The following PXDNL variants were observed in gnomAD, a reference collection of about 807,000 sequenced individuals.
PXDNL encodes the protein peroxidasin like.
PXDNL carries 145 observed loss-of-function variants against 150.8 expected under a neutral mutation model. The observed-to-expected ratio is 0.96, with a 90% confidence interval of 0.84 to 1.10. The LOEUF (loss-of-function observed/expected upper bound fraction) is 1.10, where lower values mean the gene tolerates loss of function less well. PXDNL is among the 50% of genes least tolerant of loss of function. The probability of loss-of-function intolerance (pLI) is 0.00; values close to 1 mark genes in which losing one functional copy is unlikely to be tolerated. For synonymous variants in PXDNL, 757 were observed against 725.7 expected, an observed-to-expected ratio of 1.04 and a Z score of -0.69; for missense variants, 2,087 against 1,873.9, an observed-to-expected ratio of 1.11 and a Z score of -2.10.
chr8:51,606,057 A>C (rs1385551335), intron 2 of PXDNL, among the ~76,000 whole-genome samples: 1 of 151,856 alleles, frequency 6.6e-6, no homozygotes, highest in Non-Finnish European at 1.5e-5. Context: ...AACATAAAAT[A>C]GACTAAGACA....
In PXDNL at chr8:51,785,406, C is replaced by T. The variant is rs146588502; in HGVS notation, c.164+23775G>A. ...ACATGTACAGGCAGACTTTGTCTTA[C>T]GGTGCTTTGCTTTACTGTGCTTCAG... On this transcript the variant is annotated intron_variant, in intron 1 of 22. Transcript: ENST00000356297. 4.1e-4 allele frequency among the ~76,000 whole-genome samples: 63 copies of T among 152,280 alleles called. No homozygotes were observed. In the East Asian group the frequency reaches 9.1e-3, roughly 22 times the overall value.
intron 2 of PXDNL, among the ~76,000 whole-genome samples, chr8:51,616,498 A>G (rs6989459): frequency 0.92 from 139,966 of 152,280 alleles, 64,395 homozygotes; most frequent in African/African-American, 0.93. Context: ...ATAGCTATAC[A>G]GATATCTGTG....
Position 51,719,906 on chromosome 8 carries a change from G to GT in PXDNL, c.165-65147dup, listed in dbSNP as rs542967968. Among the ~76,000 whole-genome samples the GT allele has an allele frequency of 2.9e-3, 442 of 152,120 alleles. 1 individual carries two copies. The highest frequency in any genetic ancestry group is 1.0e-2 in the African/African-American group (414 of 41,526). ...AAACAGCCTCTCTACATCTAAGACT[G>GT]TGAGTATTAGAAGCCACATGTAGAA... On this transcript the variant is annotated intron_variant, in intron 1 of 22. Coordinates refer to ENST00000356297, the MANE Select transcript of PXDNL (RefSeq NM_144651.5).
At chr8:51,661,754 G>A (rs1196293895) in intron 1 of PXDNL, among the ~76,000 whole-genome samples, 1 of 152,154 alleles carries the variant, frequency 6.6e-6, no homozygotes, top group Non-Finnish European at 1.5e-5. Flanking sequence ...ACCACAGTGT[G>A]AGGAAAGCCA....
At chr8:51,675,763 A>C (rs950476191) in intron 1 of PXDNL, among the ~76,000 whole-genome samples, 3 of 128,918 alleles carry the variant, frequency 2.3e-5, no homozygotes, top group African/African-American at 8.6e-5. Flanking sequence ...ACTGCACTCC[A>C]GCCTGGGCGA....
Position 51,336,167 on chromosome 8 carries a change from T to C in PXDNL, c.4146+3457A>G, listed in dbSNP as rs530821435. On this transcript the variant is annotated intron_variant, in intron 21 of 22. Coordinates refer to ENST00000356297, the MANE Select transcript of PXDNL (RefSeq NM_144651.5). ...TAATCTCCCATGATGAGGCCCATTATGGTATATAGATTCTCTTAAACATTC... is the reference window on the plus strand; with the variant it reads ...TAATCTCCCATGATGAGGCCCATTACGGTATATAGATTCTCTTAAACATTC... 9.8e-5 allele frequency among the ~76,000 whole-genome samples: 15 copies of C among 152,362 alleles called. 1 individual carries two copies. The highest frequency in any genetic ancestry group is 3.6e-4 in the African/African-American group (15 of 41,578).
chr8:51,575,312 C>G (rs1236805735), intron 3 of PXDNL, among the ~76,000 whole-genome samples: 10 of 151,388 alleles, frequency 6.6e-5, no homozygotes. Flanking sequence ...AAGTAACCAA[C>G]AGGAAGGTAG....
chr8:51,495,690 T>C (rs1811029996), intron 5 of PXDNL, among the ~76,000 whole-genome samples: 2 of 152,096 alleles, frequency 1.3e-5, no homozygotes, highest in Admixed American at 1.3e-4. Flanking sequence ...AAGAAATGGA[T>C]AAATTCCTCG....
chr8:51,390,312 AGTAAG>A (rs1807853668), intron 17 of PXDNL, among the ~76,000 whole-genome samples: 1 of 152,214 alleles, frequency 6.6e-6, no homozygotes, highest in Admixed American at 6.5e-5. Context: ...AAAAGCATTC[AGTAAG>A]TTTCCTGTGG....
At chr8:51,479,863 G>T (rs1810562706) in intron 6 of PXDNL, among the ~76,000 whole-genome samples, 1 of 152,174 alleles carries the variant, frequency 6.6e-6, no homozygotes, top group South Asian at 2.1e-4. Flanking sequence ...TTTACAGATA[G>T]ATTAGATAGA....
chr8:51,640,394 G>T (rs371187945), intron 2 of PXDNL, among the ~76,000 whole-genome samples: 1 of 152,068 alleles, frequency 6.6e-6, no homozygotes, highest in African/African-American at 2.4e-5. Flanking sequence ...TATTCAATTA[G>T]GAAAAGAGGA....
At chr8:51,481,414 ATT>A (rs1281348496) in intron 6 of PXDNL, among the ~76,000 whole-genome samples, 1 of 152,178 alleles carries the variant, frequency 6.6e-6, no homozygotes, top group African/African-American at 2.4e-5. Flanking sequence ...AGGCATAAAA[ATT>A]TTGGAAATTT....
intron 17 of PXDNL, among the ~76,000 whole-genome samples, chr8:51,388,774 C>T (rs1232132776): frequency 6.6e-6 from 1 of 152,122 alleles, no homozygotes; most frequent in African/African-American, 2.4e-5. Flanking sequence ...GTCTGTACTA[C>T]ACACTGAGTG....
At chr8:51,394,442 C>T (rs997346393) in intron 17 of PXDNL, among the ~76,000 whole-genome samples, 2 of 152,150 alleles carry the variant, frequency 1.3e-5, no homozygotes, top group Non-Finnish European at 2.9e-5. Context: ...CAGTATCATT[C>T]CTAAGTCCTG....
chr8:51,673,803 A>G (rs539527963), intron 1 of PXDNL, among the ~76,000 whole-genome samples: 1 of 152,300 alleles, frequency 6.6e-6, no homozygotes, highest in South Asian at 2.1e-4. Flanking sequence ...TGAACAGAAA[A>G]ACATCAGGCC....
At chr8:51,567,314 G>A (rs1812848987) in intron 3 of PXDNL, among the ~76,000 whole-genome samples, 2 of 151,692 alleles carry the variant, frequency 1.3e-5, no homozygotes, top group South Asian at 4.2e-4. Flanking sequence ...GTGCTGTTCA[G>A]TTCAACTTAC....
At chr8:51,651,740 A>C (rs1815041430) in intron 2 of PXDNL, among the ~76,000 whole-genome samples, 1 of 152,152 alleles carries the variant, frequency 6.6e-6, no homozygotes, top group Non-Finnish European at 1.5e-5. Context: ...CTTTTTTATA[A>C]GCATGACTGT....
intron 2 of PXDNL, among the ~76,000 whole-genome samples, chr8:51,613,963 G>C (rs1036357892): frequency 6.6e-6 from 1 of 152,188 alleles, no homozygotes; most frequent in African/African-American, 2.4e-5. Flanking sequence ...TTCTGGGCCT[G>C]AAAGAAAGTG....
chr8:51,692,097 T>C (rs909890762), intron 1 of PXDNL, among the ~76,000 whole-genome samples: 15 of 152,210 alleles, frequency 9.9e-5, no homozygotes, highest in African/African-American at 3.6e-4. Context: ...ATCCCCTCTT[T>C]ACCTAGGCCA....
Sources: gnomAD v4.1 joint callset for allele counts (sites outside exome capture counted in the v4.1 genomes callset) on GRCh38, gnomAD v4.1.1 for gene constraint, MANE v1.5 for transcripts, NCBI Gene and HGNC (gene_info 2026-07-23, HGNC 2026-07-21) for gene names.